The following EVL variants were observed in gnomAD, a reference collection of about 807,000 sequenced individuals.
EVL encodes the protein ena/VASP-like protein.
In EVL, 21 loss-of-function variants were observed where a neutral mutation model predicts 59.6. That is an observed-to-expected ratio of 0.35 (90% CI 0.25 to 0.51). The LOEUF (loss-of-function observed/expected upper bound fraction) is 0.51. Among genes scored for constraint, EVL ranks in the 20% least tolerant of loss-of-function variants. The pLI, the probability that EVL is intolerant of heterozygous loss-of-function variation, is 0.97. For missense variants in EVL, 462 were observed against 546.6 expected (o/e 0.85, Z 1.54); for synonymous variants, 198 against 203.5 (o/e 0.97, Z 0.23).
chr14:100,109,525 T>C lies in EVL; in HGVS notation c.358+11867T>C, dbSNP rs1886811343. 4.3e-6 allele frequency: 2 copies of C among 467,178 alleles called. No homozygotes were observed. Among genetic ancestry groups the C allele is most frequent in the Non-Finnish European group, 8.9e-6 (2 of 225,104 alleles). 28.9% of individuals were successfully genotyped at this position (467,178 alleles called of 1,614,324 possible). A position where few individuals can be genotyped will look rare whatever the true frequency, so the allele number is the denominator to read the frequency against. On this transcript the variant is annotated intron_variant, in intron 3 of 13. Coordinates refer to ENST00000392920, the MANE Select transcript of EVL (RefSeq NM_016337.3). This position sits in a 1 kb window ranked among gnomAD's most constrained non-coding sequence, Gnocchi z 4.3. ...TGACACATCAGAGGTGTCTGGTGAC[T>C]GAACAAGCTCCCAGCTTGCGCCCAT... is the stretch of plus-strand genomic sequence containing the variant.
rs1319272676 is a variant in EVL, at chr14:100,114,213, A to G, written c.359-9326A>G. On this transcript the variant is annotated intron_variant, in intron 3 of 13. Transcript: ENST00000392920. The surrounding 1 kb of genome is among the most constrained non-coding windows in gnomAD (Gnocchi z 5.0). ...GCCTTACTTCTGTGAGCGGGTGCCA[A>G]CTTGGTTTTCCCATACCAAAGTTTG... Among the ~76,000 whole-genome samples the G allele has an allele frequency of 6.6e-6, 1 of 152,024 alleles. No individual in the cohort carries two copies. The highest frequency in any genetic ancestry group is 1.5e-5 in the Non-Finnish European group (1 of 68,014).
At chr14:100,010,643 C>G (rs373921042) in intron 1 of EVL, among the ~76,000 whole-genome samples, 476 of 152,294 alleles carry the variant, frequency 3.1e-3, no homozygotes, top group Non-Finnish European at 5.5e-3. Context: ...GTGATCCACC[C>G]GCCTTGGCCT....
intron 1 of EVL, among the ~76,000 whole-genome samples, chr14:100,070,189 G>C (rs1463464788): frequency 6.6e-6 from 1 of 152,128 alleles, no homozygotes; most frequent in Non-Finnish European, 1.5e-5. Flanking sequence ...GATTGCTTGA[G>C]CCCAGCAGTT....
chr14:100,129,383 G>C (rs574831364), intron 6 of EVL, among the ~76,000 whole-genome samples, 180 bp from the exon 7 acceptor site: 3 of 151,976 alleles, frequency 2.0e-5, no homozygotes, highest in Non-Finnish European at 2.9e-5. Context: ...TCCCTCTCTC[G>C]ATTCTGGTTT....
chr14:100,095,792 A>G (rs565702157), intron 2 of EVL, among the ~76,000 whole-genome samples: 11 of 152,322 alleles, frequency 7.2e-5, no homozygotes, highest in Admixed American at 5.2e-4. Context: ...CAATGGCGCA[A>G]TCTCGGCTCA....
chr14:100,002,633 A>G (rs376785476), intron 1 of EVL, among the ~76,000 whole-genome samples: 3 of 152,254 alleles, frequency 2.0e-5, no homozygotes, highest in South Asian at 2.1e-4. Flanking sequence ...TTTGGACTTT[A>G]GGGAACCTAA....
At chr14:100,038,044 T>C (rs1213455339) in intron 1 of EVL, among the ~76,000 whole-genome samples, 1 of 152,150 alleles carries the variant, frequency 6.6e-6, no homozygotes, top group Non-Finnish European at 1.5e-5. Flanking sequence ...TGGAACTAGC[T>C]CTGTGGATTC....
At chr14:100,008,952 G>A (rs2061000026) in intron 1 of EVL, among the ~76,000 whole-genome samples, 1 of 152,168 alleles carries the variant, frequency 6.6e-6, no homozygotes, top group Non-Finnish European at 1.5e-5. Context: ...ATCTTAGTAG[G>A]AAATCAGAAA....
intron 11 of EVL, chr14:100,140,162 TG>T (rs1346417469): frequency 1.3e-5 from 2 of 151,954 alleles, no homozygotes; most frequent in African/African-American, 2.4e-5. Flanking sequence ...CACTTGAGCC[TG>T]GGAGGTTGAG....
At chr14:100,039,890 C>T (rs1283993817) in intron 1 of EVL, among the ~76,000 whole-genome samples, 1 of 152,138 alleles carries the variant, frequency 6.6e-6, no homozygotes, top group Non-Finnish European at 1.5e-5. Flanking sequence ...GTGATCCTCT[C>T]ACCTCAGCCT....
intron 1 of EVL, among the ~76,000 whole-genome samples, chr14:100,046,605 T>C (rs2061549802): frequency 6.6e-6 from 1 of 151,338 alleles, no homozygotes; most frequent in African/African-American, 2.4e-5. Flanking sequence ...AGGCAGAGGC[T>C]GCAGTGAGCC....
intron 1 of EVL, among the ~76,000 whole-genome samples, chr14:100,052,571 G>T (rs1263425623): frequency 6.6e-6 from 1 of 151,976 alleles, no homozygotes; most frequent in African/African-American, 2.4e-5. Flanking sequence ...GGGCAACATG[G>T]TGAAACCCTG....
Position 100,127,865 on chromosome 14 carries a change from G to T in EVL, c.488-654G>T, listed in dbSNP as rs61984554. Reference sequence around the variant, plus strand: ...GTCCTCCATCTGCGTTTACCTCTGCGATTCGTTGACTGTTCCTCATAGGCT... The same window carrying T: ...GTCCTCCATCTGCGTTTACCTCTGCTATTCGTTGACTGTTCCTCATAGGCT... On this transcript the variant is annotated intron_variant, in intron 5 of 13. Coordinates refer to ENST00000392920, the MANE Select transcript of EVL (RefSeq NM_016337.3). The surrounding 1 kb of genome is among the most constrained non-coding windows in gnomAD (Gnocchi z 4.2). Among the ~76,000 whole-genome samples the T allele has an allele frequency of 2.1e-4, 32 of 152,170 alleles. No individual in the cohort carries two copies. The highest frequency in any genetic ancestry group is 2.1e-3 in the Admixed American group (32 of 15,284).
chr14:100,118,431 A>G (rs1887487923), intron 3 of EVL, among the ~76,000 whole-genome samples: 1 of 152,230 alleles, frequency 6.6e-6, no homozygotes, highest in Non-Finnish European at 1.5e-5. Context: ...GGTACAATAC[A>G]AGGACCATGT....
intron 1 of EVL, among the ~76,000 whole-genome samples, chr14:100,031,120 A>G (rs1375496269): frequency 6.6e-6 from 1 of 152,240 alleles, no homozygotes; most frequent in Non-Finnish European, 1.5e-5. Flanking sequence ...AGAGCTTTCA[A>G]GAGTGACTTT....
At chr14:99,991,541 C>T (rs912922372) in intron 1 of EVL, among the ~76,000 whole-genome samples, 7 of 152,028 alleles carry the variant, frequency 4.6e-5, no homozygotes, top group Non-Finnish European at 8.8e-5. Context: ...GCATTTTCAG[C>T]GATTGAGAAT....
intron 1 of EVL, among the ~76,000 whole-genome samples, chr14:100,020,591 C>T (rs1415290361): frequency 1.3e-5 from 2 of 152,050 alleles, no homozygotes; most frequent in Admixed American, 6.6e-5. Flanking sequence ...AGTGATTGTG[C>T]GGGAACCTCA....
chr14:100,063,832 T>G (rs926160296), upstream of EVL, among the ~76,000 whole-genome samples: 2 of 152,108 alleles, frequency 1.3e-5, no homozygotes, highest in African/African-American at 2.4e-5. Flanking sequence ...TTTTGATAAA[T>G]GTGAAAGGAT....
chr14:100,104,762 AC>A (rs1358580053), intron 3 of EVL, among the ~76,000 whole-genome samples: 1 of 152,216 alleles, frequency 6.6e-6, no homozygotes, highest in African/African-American at 2.4e-5. Flanking sequence ...TGGATGAATC[AC>A]TGCAGGAACA....
Sources: allele counts gnomAD v4.1 joint callset (sites outside exome capture counted in the v4.1 genomes callset), GRCh38; gene constraint gnomAD v4.1.1; non-coding constraint Gnocchi (gnomAD v3.1); transcripts MANE v1.5; gene names NCBI Gene and HGNC (gene_info 2026-07-23, HGNC 2026-07-21).